SH2D5: variants seen among roughly 807,000 people sequenced by gnomAD.
SH2D5 encodes the protein SH2 domain containing 5.
SH2D5 carries 45 observed loss-of-function variants against 48.2 expected under a neutral mutation model. That is an observed-to-expected ratio of 0.93 (90% confidence interval 0.73 to 1.20). The LOEUF is 1.20. SH2D5 is among the 50% of genes most tolerant of loss of function. The pLI is 0.00. For missense variants in SH2D5, 538 were observed against 584.1 expected, an observed-to-expected ratio of 0.92 and a Z score of 0.81; for synonymous variants, 230 against 249.8, an observed-to-expected ratio of 0.92 and a Z score of 0.75.
chr1:20,724,609 G>A lies in SH2D5; in HGVS notation c.417C>T (p.Cys139=). The A allele has an allele frequency of 1.3e-6, 2 of 1,582,698 alleles. No homozygotes were observed. Among genetic ancestry groups the A allele is most frequent in the South Asian group, 1.1e-5 (1 of 88,334 alleles). ...AGAGGTAAGCCAGCTGGAAAGAGCGGCACAGCAGCAGGTGCAGGATCTGGA... is the reference window on the plus strand; with the variant it reads ...AGAGGTAAGCCAGCTGGAAAGAGCGACACAGCAGCAGGTGCAGGATCTGGA... ...GEVQILHLLL[C]RSFQLAYLLQ... Residue 139 remains cysteine, a synonymous_variant, in exon 6 of 10, where the codon TGC becomes TGT. Coordinates refer to ENST00000444387, the MANE Select transcript of SH2D5 (RefSeq NM_001103161.2).
At chr1:20,723,517 G>A (rs2054729243) in intron 8 of SH2D5, 109 bp downstream of exon 8, 1 of 791,160 alleles carries the variant, frequency 1.3e-6, no homozygotes. Context: ...ACTGAGGTTG[G>A]GAGCGCTCTG....
At position 20,722,887 on chromosome 1, in the gene SH2D5, C is replaced by G; in HGVS notation, c.937G>C (p.Asp313His). The part of the protein sequence containing the change: ...RPCALALLRR[D>H]VLGAFLLWPE... ...CACAGCAGGAAGGCCCCCAGCACGTCTCTCCGCAACAGGGCCAGGGCACAG... is the reference window on the plus strand; with the variant it reads ...CACAGCAGGAAGGCCCCCAGCACGTGTCTCCGCAACAGGGCCAGGGCACAG... Residue 313 changes from aspartate to histidine, a missense_variant, in exon 9 of 10, where the codon GAC becomes CAC. Coordinates refer to ENST00000444387, the MANE Select transcript of SH2D5 (RefSeq NM_001103161.2). 6.2e-7 allele frequency: 1 copy of G among 1,602,620 alleles called. No homozygotes were observed. Among genetic ancestry groups the G allele is most frequent in the Non-Finnish European group, 8.5e-7 (1 of 1,174,984 alleles).
intron 9 of SH2D5, 126 bp from the exon 10 acceptor site, chr1:20,722,121 G>T: frequency 3.7e-6 from 3 of 821,260 alleles, no homozygotes; most frequent in Non-Finnish European, 5.8e-6. Flanking sequence ...GGCTTCACAT[G>T]TGCTATCGTG....
At chr1:20,723,804 A>G in intron 7 of SH2D5, 70 bp from the exon 8 acceptor site, 1 of 1,309,666 alleles carries the variant, frequency 7.6e-7, no homozygotes, top group Non-Finnish European at 1.1e-6. Flanking sequence ...CGCAGGCCTC[A>G]TCACCCAGGG....
chr1:20,721,783 C>A lies in SH2D5; in HGVS notation c.*9G>T. ...TGAGGCGGGGCCTGTGGGACCGGGG[C>A]CCTACCTCTTAGCCCAGGCCCTGCA... On this transcript the variant is annotated 3_prime_UTR_variant, in exon 10 of 10. Transcript: ENST00000444387. 1 of 1,529,808 alleles carries A rather than the reference C, an allele frequency of 6.5e-7. No homozygotes were observed. Among genetic ancestry groups the A allele is most frequent in the Non-Finnish European group, 8.8e-7 (1 of 1,133,990 alleles). The allele number at this position is 1,529,808 out of a possible 1,614,324, so 94.8% of individuals were successfully genotyped here. A position where few individuals can be genotyped will look rare whatever the true frequency, so the allele number is the denominator to read the frequency against.
rs1187248765 is a variant in SH2D5 at position 20,729,592 on chromosome 1, T to C, written c.-42-1506A>G. ...CGGGGTCTGACCACTTCTGCTCCCC[T>C]CCTTGTCCTTGGCCACACCGACAGG... On this transcript the variant is annotated intron_variant, in intron 1 of 9. Transcript: ENST00000444387. This position sits in a 1 kb window ranked among gnomAD's most constrained non-coding sequence, Gnocchi z 4.2. 6.6e-6 allele frequency among the ~76,000 whole-genome samples: 1 copy of C among 152,008 alleles called. No homozygotes were observed. Among genetic ancestry groups the C allele is most frequent in the Non-Finnish European group, 1.5e-5 (1 of 67,960 alleles).
chr1:20,724,061 C>A (rs773871821), intron 7 of SH2D5, 22 bp downstream of exon 7: 1 of 1,604,174 alleles, frequency 6.2e-7, no homozygotes, highest in Non-Finnish European at 8.5e-7. Flanking sequence ...ACACACAGGG[C>A]AGGCATGTTC....
chr1:20,730,393 G>T (rs972142763), intron 1 of SH2D5, among the ~76,000 whole-genome samples: 1 of 151,990 alleles, frequency 6.6e-6, no homozygotes, highest in East Asian at 1.9e-4. Flanking sequence ...CGCGCACACA[G>T]CTGTGTCCAG....
rs766921746 is a variant in SH2D5 at position 20,727,087 on chromosome 1, AGAG to A, written c.169-15_169-13del. The A allele has an allele frequency of 1.9e-4, 312 of 1,607,556 alleles. No homozygotes were observed. The East Asian group carries it at 6.7e-3, about 35-fold the overall frequency. ...CGTCGGGGACAGTCCTGGGTGGAAA[AGAG>A]TAGTGGGGACAGGCACCACCTCCCA... On this transcript the variant is annotated splice_polypyrimidine_tract_variant and intron_variant, in intron 3 of 9. Coordinates refer to ENST00000444387, the MANE Select transcript of SH2D5 (RefSeq NM_001103161.2).
At chr1:20,727,424 C>A in intron 3 of SH2D5, 99 bp downstream of exon 3, 2 of 1,173,160 alleles carry the variant, frequency 1.7e-6, no homozygotes, top group Non-Finnish European at 2.5e-6. Flanking sequence ...CTGTGTCCTG[C>A]CCCTCTCTAA....
chr1:20,727,278 G>A (rs761582093), intron 3 of SH2D5, among the ~76,000 whole-genome samples: 1 of 152,126 alleles, frequency 6.6e-6, no homozygotes, highest in Non-Finnish European at 1.5e-5. Context: ...GCCACCGCTG[G>A]CCAGGCTGTG....
Position 20,728,223 on chromosome 1 carries a change from G to A in SH2D5, c.-42-137C>T. ...GCTGCGCAATGTCCCGGGCCCTGGG[G>A]AGCCAGCCCAGAAGAAAATGATGAC... On this transcript the variant is annotated intron_variant, in intron 1 of 9. Coordinates refer to ENST00000444387, the MANE Select transcript of SH2D5 (RefSeq NM_001103161.2). The surrounding 1 kb of genome is among the most constrained non-coding windows in gnomAD (Gnocchi z 4.3). 1 of 596,502 alleles carries A rather than the reference G, an allele frequency of 1.7e-6. No homozygotes were observed. The highest frequency in any genetic ancestry group is 2.0e-5 in the South Asian group (1 of 49,950). The allele number at this position is 596,502 out of a possible 1,614,324, so 37.0% of individuals were successfully genotyped here.
In SH2D5 at chr1:20,727,063, G is replaced by A. The variant is rs913380401; in HGVS notation, c.181C>T (p.Arg61Cys). The change falls in exon 4 of 10, where the codon CGC becomes TGC. Residue 61 changes from arginine (R) to cysteine (C), a missense_variant. Arg to Cys is a radical substitution (Grantham distance 180, BLOSUM62 -3). Coordinates refer to ENST00000444387, the MANE Select transcript of SH2D5 (RefSeq NM_001103161.2). ...CTGAATTTCAGGATGACGGCCCGGCGTCGGGGACAGTCCTGGGTGGAAAAG... is the reference window on the plus strand; with the variant it reads ...CTGAATTTCAGGATGACGGCCCGGCATCGGGGACAGTCCTGGGTGGAAAAG... ...QLWALKDCPR[R>C]RAVILKFSLQ... 4 of 1,611,354 alleles carry A rather than the reference G, an allele frequency of 2.5e-6. No individual in the cohort carries two copies. Among genetic ancestry groups the A allele is most frequent in the South Asian group, 2.2e-5 (2 of 90,378 alleles).
chr1:20,722,724 G>A lies in SH2D5; in HGVS notation c.1068+32C>T, dbSNP rs1162934547. On this transcript the variant is annotated intron_variant, in intron 9 of 9. Transcript: ENST00000444387. ...AGGGATGGAGCCAATGATGCGGCAG[G>A]GCCCAGGCCCCTCTGGCTGCTGCGC... 2.1e-6 allele frequency: 3 copies of A among 1,413,864 alleles called. No individual in the cohort carries two copies. In the South Asian group the frequency reaches 4.7e-5, roughly 22 times the overall value. 87.6% of individuals were successfully genotyped at this position (1,413,864 alleles called of 1,614,324 possible).
intron 1 of SH2D5, chr1:20,731,646 T>G (rs1000294533): frequency 1.3e-5 from 2 of 150,478 alleles, no homozygotes; most frequent in African/African-American, 2.5e-5. Context: ...GTGCTGGGGG[T>G]GCTGCTTCAC....
Position 20,722,931 on chromosome 1 carries a change from G to A in SH2D5, c.909-16C>T. 6.4e-7 allele frequency: 1 copy of A among 1,551,390 alleles called. No individual in the cohort carries two copies. On this transcript the variant is annotated splice_polypyrimidine_tract_variant and intron_variant, in intron 8 of 9. Transcript: ENST00000444387. ...GGCACAGGGCCTAGGAGCACAGAGG[G>A]GAGAGAGTAAAGGCTGGACTGCTCT...
At position 20,722,882 on chromosome 1, in the gene SH2D5, C is replaced by A. The variant is rs368627939; in HGVS notation, c.942G>T (p.Val314=). ...PCALALLRRD[V]LGAFLLWPEL... ...CAGGCCACAGCAGGAAGGCCCCCAGCACGTCTCTCCGCAACAGGGCCAGGG... is the reference window on the plus strand; with the variant it reads ...CAGGCCACAGCAGGAAGGCCCCCAGAACGTCTCTCCGCAACAGGGCCAGGG... The change falls in exon 9 of 10, where the codon GTG becomes GTT. Residue 314 remains valine, a synonymous_variant. Transcript: ENST00000444387. The A allele has an allele frequency of 6.2e-7, 1 of 1,603,834 alleles. No individual in the cohort carries two copies. Among genetic ancestry groups the A allele is most frequent in the Non-Finnish European group, 8.5e-7 (1 of 1,175,628 alleles).
intron 4 of SH2D5, 65 bp from the exon 5 acceptor site, chr1:20,726,131 C>A (rs1373004699): frequency 1.3e-6 from 2 of 1,502,948 alleles, no homozygotes; most frequent in Non-Finnish European, 1.8e-6. Flanking sequence ...TGCTTGCCAG[C>A]CTGCAGGGGT....
intron 2 of SH2D5, 145 bp from the exon 3 acceptor site, chr1:20,727,748 C>G: frequency 1.1e-6 from 1 of 934,312 alleles, no homozygotes; most frequent in Non-Finnish European, 1.6e-6. Flanking sequence ...AGCCCAGGCT[C>G]TGCTGCTTCC....
Sources: gnomAD v4.1 joint callset for allele counts (sites outside exome capture counted in the v4.1 genomes callset) on GRCh38, gnomAD v4.1.1 for gene constraint, Gnocchi (gnomAD v3.1) non-coding constraint, MANE v1.5 for transcripts, NCBI Gene and HGNC (gene_info 2026-07-23, HGNC 2026-07-21) for gene names.